SPATA17: variants seen among roughly 807,000 people sequenced by gnomAD.
SPATA17 encodes the protein spermatogenesis associated 17.
SPATA17 carries 53 observed loss-of-function variants against 62.2 expected under a neutral mutation model. The observed-to-expected ratio is 0.85, with a 90% CI of 0.68 to 1.07. The LOEUF is 1.07. SPATA17 is among the 50% of genes least tolerant of loss of function. The pLI is 0.00. For missense variants in SPATA17, 466 were observed against 425.5 expected (o/e 1.10, Z -0.84); for synonymous variants, 146 against 146.8 (o/e 0.99, Z 0.04).
At chr1:217,669,381 A>G (rs1243705733) in intron 4 of SPATA17, among the ~76,000 whole-genome samples, 2 of 152,220 alleles carry the variant, frequency 1.3e-5, no homozygotes, top group Admixed American at 6.5e-5. Flanking sequence ...TCCATATATC[A>G]TATAGAATAC....
intron 5 of SPATA17, among the ~76,000 whole-genome samples, chr1:217,699,678 A>T (rs1245452631): frequency 1.3e-5 from 2 of 152,110 alleles, no homozygotes; most frequent in Non-Finnish European, 2.9e-5. Flanking sequence ...TCTTAGTATG[A>T]TCTTTTCACA....
intron 5 of SPATA17, among the ~76,000 whole-genome samples, chr1:217,722,291 C>T (rs1228908702): frequency 6.6e-6 from 1 of 152,098 alleles, no homozygotes; most frequent in Non-Finnish European, 1.5e-5. Context: ...AAAAGAACAA[C>T]TTGCATGTTG....
chr1:217,814,662 A>C (rs1674670507), intron 9 of SPATA17, among the ~76,000 whole-genome samples: 1 of 152,044 alleles, frequency 6.6e-6, no homozygotes. Context: ...AGCCTGGGCA[A>C]CATAGAGAGA....
At chr1:217,840,180 G>A (rs919705975) in intron 9 of SPATA17, among the ~76,000 whole-genome samples, 1 of 152,010 alleles carries the variant, frequency 6.6e-6, no homozygotes, top group East Asian at 1.9e-4. Flanking sequence ...AATTCCATTC[G>A]TACAGATAAT....
At chr1:217,851,994 G>A (rs564765758) in intron 9 of SPATA17, among the ~76,000 whole-genome samples, 9 of 152,122 alleles carry the variant, frequency 5.9e-5, no homozygotes, top group East Asian at 1.9e-4. Context: ...GTTATGCAAC[G>A]GCCTCCCCTC....
intron 5 of SPATA17, among the ~76,000 whole-genome samples, chr1:217,730,490 G>A (rs1672379199): frequency 6.6e-6 from 1 of 151,928 alleles, no homozygotes; most frequent in African/African-American, 2.4e-5. Context: ...CAAAGTGCTG[G>A]GATTACAGAT....
intron 1 of SPATA17, among the ~76,000 whole-genome samples, chr1:217,647,989 C>T (rs1358167011): frequency 6.6e-6 from 1 of 152,098 alleles, no homozygotes; most frequent in Admixed American, 6.5e-5. Flanking sequence ...TCCGAGAGTG[C>T]TGGGATTACA....
intron 5 of SPATA17, among the ~76,000 whole-genome samples, chr1:217,740,355 C>A (rs1308365236): frequency 3.3e-5 from 5 of 151,562 alleles, no homozygotes; most frequent in Admixed American, 6.6e-5. Flanking sequence ...TTATTTTTTT[C>A]ATAATATCAA....
At chr1:217,845,759 T>C (rs560205607) in intron 9 of SPATA17, among the ~76,000 whole-genome samples, 7 of 152,124 alleles carry the variant, frequency 4.6e-5, no homozygotes, top group Non-Finnish European at 1.0e-4. Flanking sequence ...TCTTCCATTG[T>C]AAAGCATCAA....
At chr1:217,839,540 T>G (rs567767476) in intron 9 of SPATA17, among the ~76,000 whole-genome samples, 11 of 152,228 alleles carry the variant, frequency 7.2e-5, no homozygotes, top group African/African-American at 2.6e-4. Context: ...TTTGAAATAT[T>G]ACAGTCTCGG....
In SPATA17 at chr1:217,841,761, C is replaced by T. The variant is rs146101362; in HGVS notation, c.1006-21013C>T. The stretch of plus-strand genomic sequence containing the variant: ...AATAATACACATGTCATGCACTCAC[C>T]ACCTAGTTTCAACCAATATATTTTG... On this transcript the variant is annotated intron_variant, in intron 9 of 10. Coordinates refer to ENST00000366933, the MANE Select transcript of SPATA17 (RefSeq NM_138796.4). 9.9e-3 allele frequency among the ~76,000 whole-genome samples: 1,495 copies of T among 151,592 alleles called. 12 individuals are homozygous for T. The highest frequency in any genetic ancestry group is 0.045 in the Middle Eastern group (13 of 288).
intron 6 of SPATA17, among the ~76,000 whole-genome samples, chr1:217,744,121 A>AATTTC (rs1019561798): frequency 3.9e-5 from 6 of 152,102 alleles, no homozygotes; most frequent in African/African-American, 7.2e-5. Flanking sequence ...TTCTTTAACT[A>AATTTC]ATTTCATTTC....
At chr1:217,654,296 C>G (rs904858969) in intron 3 of SPATA17, among the ~76,000 whole-genome samples, 18 of 152,084 alleles carry the variant, frequency 1.2e-4, no homozygotes, top group African/African-American at 4.1e-4. Flanking sequence ...TGCCATCACG[C>G]CCGGCTAATT....
chr1:217,729,933 G>T (rs1672362267), intron 5 of SPATA17, among the ~76,000 whole-genome samples: 1 of 152,136 alleles, frequency 6.6e-6, no homozygotes. Context: ...AAAGGAAAAA[G>T]CTCATTATGT....
intron 5 of SPATA17, among the ~76,000 whole-genome samples, chr1:217,690,240 T>C (rs1378236324): frequency 6.6e-6 from 1 of 152,042 alleles, no homozygotes; most frequent in Non-Finnish European, 1.5e-5. Flanking sequence ...TTTGCATATA[T>C]TAAGCACTCT....
chr1:217,749,933 T>C (rs1284027669), intron 6 of SPATA17, among the ~76,000 whole-genome samples: 3 of 134,516 alleles, frequency 2.2e-5, no homozygotes, highest in Admixed American at 7.6e-5. Context: ...TAGAGAAATT[T>C]GTCATAAGAT....
chr1:217,858,595 T>A (rs866932577), intron 9 of SPATA17, among the ~76,000 whole-genome samples: 2 of 152,164 alleles, frequency 1.3e-5, no homozygotes, highest in African/African-American at 4.8e-5. Context: ...TTATTATTGA[T>A]TCAGTTTTTT....
chr1:217,633,951 G>T (rs994639591), intron 1 of SPATA17, among the ~76,000 whole-genome samples: 2 of 152,186 alleles, frequency 1.3e-5, no homozygotes, highest in African/African-American at 4.8e-5. Context: ...GAAGGATCTG[G>T]AACTCCAAGA....
At chr1:217,749,186 G>T (rs984737738) in intron 6 of SPATA17, among the ~76,000 whole-genome samples, 2 of 152,082 alleles carry the variant, frequency 1.3e-5, no homozygotes, top group Non-Finnish European at 2.9e-5. Context: ...GCACATATTT[G>T]GACCTCTTAG....
Sources: gnomAD v4.1 joint callset for allele counts (sites outside exome capture counted in the v4.1 genomes callset) on GRCh38, gnomAD v4.1.1 for gene constraint, MANE v1.5 for transcripts, NCBI Gene and HGNC (gene_info 2026-07-23, HGNC 2026-07-21) for gene names.